RTTN: variants seen among roughly 807,000 people sequenced by gnomAD.
The protein encoded by RTTN is rotatin.
RTTN carries 182 observed loss-of-function variants against 269.2 expected under a neutral mutation model. The ratio of observed to expected loss-of-function variants is 0.68; its 90% confidence interval spans 0.60 to 0.76. The LOEUF is 0.76. RTTN is among the 30% of genes least tolerant of loss of function. The probability of loss-of-function intolerance (pLI) is 0.00; values close to 1 mark genes in which losing one functional copy is unlikely to be tolerated. For missense variants in RTTN, 2,545 were observed against 2,608.6 expected (o/e 0.98, Z 0.53); for synonymous variants, 1,006 against 963.5 (o/e 1.04, Z -0.82).
intron 21 of RTTN, among the ~76,000 whole-genome samples, chr18:70,136,648 T>C (rs2060131713): frequency 6.6e-6 from 1 of 151,938 alleles, no homozygotes. Flanking sequence ...TTTTTACCTA[T>C]AAGATTAAAA....
intron 14 of RTTN, among the ~76,000 whole-genome samples, chr18:70,163,938 A>T (rs2060915624): frequency 6.6e-6 from 1 of 152,174 alleles, no homozygotes. Context: ...CCTTGAGAAC[A>T]TTATATTAAG....
At chr18:70,042,406 C>T (rs1180285522) in intron 40 of RTTN, among the ~76,000 whole-genome samples, 2 of 117,374 alleles carry the variant, frequency 1.7e-5, no homozygotes, top group East Asian at 2.6e-4. Context: ...GACGGAGTCT[C>T]GCTCTGTCGC....
intron 40 of RTTN, among the ~76,000 whole-genome samples, chr18:70,044,332 G>A (rs2057430077): frequency 1.3e-5 from 2 of 152,128 alleles, no homozygotes; most frequent in Non-Finnish European, 2.9e-5. Context: ...AATATAAGGA[G>A]CAAAATTAAT....
intron 38 of RTTN, among the ~76,000 whole-genome samples, chr18:70,053,058 T>A (rs2057719742): frequency 6.6e-6 from 1 of 152,210 alleles, no homozygotes; most frequent in Non-Finnish European, 1.5e-5. Context: ...TTTTGCTATA[T>A]GACCTTGGGA....
rs189834726 is a variant in RTTN at position 70,065,965 on chromosome 18, G to A, written c.4654-43C>T. 7.4e-4 allele frequency: 1,024 copies of A among 1,391,808 alleles called. 12 individuals carry two copies. In the East Asian group the frequency reaches 0.02, roughly 27 times the overall value. The allele number at this position is 1,391,808 out of a possible 1,614,324, so 86.2% of individuals were successfully genotyped here. A position where few individuals can be genotyped will look rare whatever the true frequency, so the allele number is the denominator to read the frequency against. On this transcript the variant is annotated intron_variant, in intron 34 of 48. Transcript: ENST00000640769. ...ATTTTACTTATTAATGTTACAGTAC[G>A]GAAAATGAAACACAGGCAACATACA...
At chr18:70,102,982 G>A (rs1026433056) in intron 28 of RTTN, among the ~76,000 whole-genome samples, 9 of 143,690 alleles carry the variant, frequency 6.3e-5, no homozygotes, top group African/African-American at 2.4e-4. Flanking sequence ...GTCCAGTCTG[G>A]GAAGTGGGGA....
intron 38 of RTTN, among the ~76,000 whole-genome samples, chr18:70,052,257 G>A (rs1036551113): frequency 1.3e-5 from 2 of 152,044 alleles, no homozygotes; most frequent in Admixed American, 6.6e-5. Flanking sequence ...CGTTAACCCC[G>A]AGGAGATCCA....
At chr18:70,042,543 T>G (rs2144730091) in intron 40 of RTTN, among the ~76,000 whole-genome samples, 1 of 152,052 alleles carries the variant, frequency 6.6e-6, no homozygotes, top group Admixed American at 6.5e-5. Flanking sequence ...GTCTGGCTAA[T>G]TTTTTTGTGT....
At chr18:70,146,274 A>C (rs563776248) in intron 17 of RTTN, among the ~76,000 whole-genome samples, 1 of 152,300 alleles carries the variant, frequency 6.6e-6, no homozygotes, top group Admixed American at 6.5e-5. Flanking sequence ...TCAAATATGA[A>C]AATACAAATA....
At chr18:70,059,594 T>C (rs889642935) in intron 36 of RTTN, among the ~76,000 whole-genome samples, 6 of 152,120 alleles carry the variant, frequency 3.9e-5, no homozygotes, top group African/African-American at 1.2e-4. Context: ...AGGTTTAGAA[T>C]CCATGAATTT....
At chr18:70,122,409 A>G (rs751660291) in intron 25 of RTTN, among the ~76,000 whole-genome samples, 2 of 152,142 alleles carry the variant, frequency 1.3e-5, no homozygotes, top group Non-Finnish European at 2.9e-5. Context: ...TATTTTTTAT[A>G]AATCTAAAGC....
chr18:70,106,646 C>A (rs1417253016), intron 28 of RTTN, among the ~76,000 whole-genome samples: 1 of 151,570 alleles, frequency 6.6e-6, no homozygotes. Context: ...TGGGAAAAAA[C>A]TACAATGGAG....
At chr18:70,137,315 G>GT (rs2060148403) in intron 21 of RTTN, among the ~76,000 whole-genome samples, 1 of 152,088 alleles carries the variant, frequency 6.6e-6, no homozygotes, top group Non-Finnish European at 1.5e-5. Context: ...CACACAGATG[G>GT]TATAGTAAAT....
intron 10 of RTTN, 139 bp downstream of exon 10, chr18:70,187,969 T>C (rs1342338458): frequency 6.7e-6 from 4 of 592,884 alleles, no homozygotes; most frequent in Non-Finnish European, 9.0e-6. Flanking sequence ...TCCAGGCTAT[T>C]TATAACATAA....
intron 27 of RTTN, among the ~76,000 whole-genome samples, chr18:70,110,047 A>T (rs1335741597): frequency 1.3e-5 from 2 of 152,018 alleles, no homozygotes; most frequent in African/African-American, 4.8e-5. Flanking sequence ...TCATTTCTAA[A>T]AAAATGAAAT....
intron 22 of RTTN, among the ~76,000 whole-genome samples, chr18:70,134,969 AT>A (rs545158114): frequency 6.6e-4 from 100 of 152,306 alleles, no homozygotes; most frequent in African/African-American, 2.3e-3. Context: ...TAAAGTTTAT[AT>A]TTAGTAATGT....
intron 26 of RTTN, among the ~76,000 whole-genome samples, chr18:70,117,655 T>A (rs866492549): frequency 6.6e-6 from 1 of 152,082 alleles, no homozygotes; most frequent in East Asian, 1.9e-4. Context: ...AGGAATTTAA[T>A]TTTAATTTCA....
chr18:70,102,425 T>C (rs530361813), intron 28 of RTTN, among the ~76,000 whole-genome samples: 1 of 152,316 alleles, frequency 6.6e-6, no homozygotes, highest in African/African-American at 2.4e-5. Context: ...ATTTGCTTGG[T>C]TGATCTTCCT....
chr18:70,184,716 T>TTTGTGTGTGTGTG (rs59000945), intron 10 of RTTN, among the ~76,000 whole-genome samples: 3 of 33,460 alleles, frequency 9.0e-5, no homozygotes, highest in Admixed American at 4.5e-4. Context: ...TTTTTTTTTT[T>TTTGTGTGTGTGTG]TGTGTGTGTG....
Sources: allele counts gnomAD v4.1 joint callset (sites outside exome capture counted in the v4.1 genomes callset), GRCh38; gene constraint gnomAD v4.1.1; transcripts MANE v1.5; gene names NCBI Gene and HGNC (gene_info 2026-07-23, HGNC 2026-07-21).